ZNF841: variants seen among roughly 807,000 people sequenced by gnomAD.
ZNF841 encodes zinc finger protein 841.
In ZNF841, 11 loss-of-function variants were observed where a neutral mutation model predicts 13.0. The observed-to-expected ratio is 0.85, with a 90% CI of 0.53 to 1.40. The LOEUF (loss-of-function observed/expected upper bound fraction) is 1.40. Ranked by LOEUF, ZNF841 falls within the 40% of genes most tolerant of loss-of-function variation. The probability of loss-of-function intolerance (pLI) is 0.00; values close to 1 mark genes in which losing one functional copy is unlikely to be tolerated. For synonymous variants in ZNF841, 369 were observed against 381.6 expected, an observed-to-expected ratio of 0.97 and a Z score of 0.38; for missense variants, 1,068 against 1,139.5, an observed-to-expected ratio of 0.94 and a Z score of 0.90.
chr19:52,079,092 A>C (rs1053151442), intron 4 of ZNF841, among the ~76,000 whole-genome samples: 3 of 151,718 alleles, frequency 2.0e-5, no homozygotes, highest in Non-Finnish European at 4.4e-5. Flanking sequence ...TACTTCATTT[A>C]CTTATTTATT....
chr19:52,066,902 C>G lies in ZNF841; in HGVS notation c.980G>C (p.Arg327Thr). The G allele has an allele frequency of 1.9e-6, 3 of 1,614,114 alleles. No individual in the cohort carries two copies. Among genetic ancestry groups the G allele is most frequent in the Non-Finnish European group, 2.5e-6 (3 of 1,180,020 alleles). The stretch of plus-strand genomic sequence containing the variant: ...GTGATTTACAAGATCTGAATTTTGT[C>G]TGAAGATCCTGCCACATACATCACA... ...YQCDVCGRIF[R>T]QNSDLVNHRR... Residue 327 changes from arginine (R) to threonine (T), a missense_variant, in exon 7 of 7, where the codon AGA becomes ACA. Coordinates refer to ENST00000594440, the MANE Select transcript of ZNF841 (RefSeq NM_001136499.2).
chr19:52,084,691 G>T, intron 4 of ZNF841, 96 bp downstream of exon 4: 1 of 1,381,356 alleles, frequency 7.2e-7, no homozygotes, highest in Non-Finnish European at 1.0e-6. Flanking sequence ...AATGTGTCAG[G>T]CAGGATACTT....
chr19:52,072,351 A>C (rs1000260745), intron 6 of ZNF841, among the ~76,000 whole-genome samples: 2 of 152,226 alleles, frequency 1.3e-5, no homozygotes, highest in Non-Finnish European at 2.9e-5. Context: ...TATGCATAAC[A>C]CATCACCCAA....
chr19:52,065,094 G>T lies in ZNF841; in HGVS notation c.*13C>A. 1 of 1,484,512 alleles carries T rather than the reference G, an allele frequency of 6.7e-7. No homozygotes were observed. The highest frequency in any genetic ancestry group is 1.4e-5 in the South Asian group (1 of 70,516). 92.0% of individuals were successfully genotyped at this position (1,484,512 alleles called of 1,614,324 possible). A position where few individuals can be genotyped will look rare whatever the true frequency, so the allele number is the denominator to read the frequency against. On this transcript the variant is annotated 3_prime_UTR_variant, in exon 7 of 7. Coordinates refer to ENST00000594440, the MANE Select transcript of ZNF841 (RefSeq NM_001136499.2). ...GAAAGGACAAATATACAAGCTATAT[G>T]AGTAAGTATAAATTATTTGGGGATC...
intron 4 of ZNF841, among the ~76,000 whole-genome samples, chr19:52,079,995 G>GAAAAAAAAAAAAAAAAAAAAAAAAAAA (rs750531184): frequency 9.0e-6 from 1 of 111,006 alleles, no homozygotes; most frequent in African/African-American, 3.3e-5. Context: ...CCATCTCAGG[G>GAAAAAAAAAAAAAAAAAAAAAAAAAAA]AAAAAAAAAA....
intron 6 of ZNF841, among the ~76,000 whole-genome samples, chr19:52,075,499 G>C (rs1299087423): frequency 6.6e-6 from 1 of 152,146 alleles, no homozygotes; most frequent in Non-Finnish European, 1.5e-5. Context: ...CTAAGAAAAT[G>C]GCTGAGGGAC....
At chr19:52,095,327 C>T (rs542654148) in intron 1 of ZNF841, among the ~76,000 whole-genome samples, 1 of 152,262 alleles carries the variant, frequency 6.6e-6, no homozygotes, top group South Asian at 2.1e-4. Flanking sequence ...GGAGAAGCGG[C>T]TCCTTCAGGA....
chr19:52,070,876 G>A (rs73578818), intron 6 of ZNF841, among the ~76,000 whole-genome samples: 2,991 of 152,232 alleles, frequency 0.02, 95 homozygotes, highest in African/African-American at 0.068. Flanking sequence ...AATAATGGGA[G>A]TATAAAATTA....
Position 52,065,031 on chromosome 19 carries a change from A to G in ZNF841, c.*76T>C. On this transcript the variant is annotated 3_prime_UTR_variant, in exon 7 of 7. Coordinates refer to ENST00000594440, the MANE Select transcript of ZNF841 (RefSeq NM_001136499.2). Reference sequence around the variant, plus strand: ...CCTCCCACTAGGCTCCACCTCCAATACTGGAGATTACTACAATTCCACATG... The same window carrying G: ...CCTCCCACTAGGCTCCACCTCCAATGCTGGAGATTACTACAATTCCACATG... The G allele has an allele frequency of 7.6e-7, 1 of 1,311,844 alleles. No homozygotes were observed. Among genetic ancestry groups the G allele is most frequent in the South Asian group, 1.7e-5 (1 of 58,638 alleles). 81.3% of individuals were successfully genotyped at this position (1,311,844 alleles called of 1,614,324 possible).
intron 6 of ZNF841, among the ~76,000 whole-genome samples, chr19:52,072,787 C>G (rs2087777384): frequency 6.6e-6 from 1 of 152,114 alleles, no homozygotes; most frequent in Non-Finnish European, 1.5e-5. Context: ...CCACTGCACT[C>G]CAGCCTGGAC....
intron 6 of ZNF841, among the ~76,000 whole-genome samples, chr19:52,068,896 T>C (rs2087664264): frequency 6.6e-6 from 1 of 150,894 alleles, no homozygotes. Flanking sequence ...CACATAAACC[T>C]GTAAGGGGGA....
intron 2 of ZNF841, among the ~76,000 whole-genome samples, chr19:52,091,536 C>G (rs548416988): frequency 6.6e-6 from 1 of 152,070 alleles, no homozygotes; most frequent in African/African-American, 2.4e-5. Flanking sequence ...AATAAACATG[C>G]ACATATACAA....
chr19:52,075,224 A>C (rs938033956), intron 6 of ZNF841, among the ~76,000 whole-genome samples: 2 of 152,236 alleles, frequency 1.3e-5, no homozygotes, highest in African/African-American at 4.8e-5. Flanking sequence ...AACATAAAAG[A>C]GAATGCAAGA....
intron 3 of ZNF841, among the ~76,000 whole-genome samples, chr19:52,085,449 T>C (rs1170973341): frequency 1.3e-5 from 2 of 152,274 alleles, no homozygotes; most frequent in East Asian, 3.9e-4. Flanking sequence ...AGCTCTGCTG[T>C]CCCCTTGGGG....
Position 52,066,695 on chromosome 19 carries a change from G to T in ZNF841, c.1187C>A (p.Thr396Asn). The change falls in exon 7 of 7, where the codon ACT (threonine) becomes AAT (asparagine). Residue 396 changes from threonine (T) to asparagine (N), a missense_variant. Physicochemically the swap from Thr to Asn is moderately conservative, Grantham distance 65 (BLOSUM62 0). Coordinates refer to ENST00000594440, the MANE Select transcript of ZNF841 (RefSeq NM_001136499.2). ...ATTACATTTGTAGGGTTTGTCTCCAGTATGAACTGTCTGATGAGTTGCAAG... is the reference window on the plus strand; with the variant it reads ...ATTACATTTGTAGGGTTTGTCTCCATTATGAACTGTCTGATGAGTTGCAAG... ...SSLATHQTVH[T>N]GDKPYKCNEC... is the part of the protein sequence containing the mutation. The T allele has an allele frequency of 2.5e-6, 4 of 1,611,814 alleles. No homozygotes were observed. The highest frequency in any genetic ancestry group is 3.4e-6 in the Non-Finnish European group (4 of 1,178,754).
At chr19:52,091,481 G>A (rs2088494844) in intron 2 of ZNF841, among the ~76,000 whole-genome samples, 1 of 151,980 alleles carries the variant, frequency 6.6e-6, no homozygotes, top group Non-Finnish European at 1.5e-5. Context: ...GTATAATACT[G>A]GCATAAAAAC....
At chr19:52,088,626 A>T (rs1268433964) in intron 3 of ZNF841, among the ~76,000 whole-genome samples, 1 of 152,220 alleles carries the variant, frequency 6.6e-6, no homozygotes. Context: ...ACTGTACTAC[A>T]TACTGAACTT....
At chr19:52,078,084 G>A (rs561990507) in intron 4 of ZNF841, among the ~76,000 whole-genome samples, 1 of 152,282 alleles carries the variant, frequency 6.6e-6, no homozygotes, top group East Asian at 1.9e-4. Flanking sequence ...GAGGTCAAGA[G>A]ATCGAGATCA....
intron 6 of ZNF841, among the ~76,000 whole-genome samples, chr19:52,070,301 G>A (rs796809355): frequency 5.3e-5 from 8 of 152,296 alleles, no homozygotes; most frequent in South Asian, 2.1e-4. Flanking sequence ...CAAAGGGGGC[G>A]AATGCGGGAA....
Sources: allele counts gnomAD v4.1 joint callset (sites outside exome capture counted in the v4.1 genomes callset), GRCh38; gene constraint gnomAD v4.1.1; transcripts MANE v1.5; gene names NCBI Gene and HGNC (gene_info 2026-07-23, HGNC 2026-07-21).